SLC35D4: variants seen among roughly 807,000 people sequenced by gnomAD.
SLC35D4 encodes UDP-N-acetylglucosamine transporter SLC35D4.
the SLC35D4 span, among the ~76,000 whole-genome samples, chr18:23,335,391 T>G: frequency 2.0e-5 from 3 of 152,236 alleles, no homozygotes; most frequent in Admixed American, 2.0e-4. Context: ...TGGCAGTCAC[T>G]CTGCTGACAC....
the SLC35D4 span, among the ~76,000 whole-genome samples, chr18:23,408,575 A>G: frequency 1.4e-4 from 21 of 152,190 alleles, no homozygotes; most frequent in Admixed American, 1.2e-3. Flanking sequence ...GGTTTTCAAG[A>G]GCAGGGATAA....
chr18:23,300,921 T>C, the SLC35D4 span, among the ~76,000 whole-genome samples: 3 of 152,362 alleles, frequency 2.0e-5, no homozygotes, highest in South Asian at 6.2e-4. Context: ...ATTTTACATT[T>C]ATTATTGTGG....
the SLC35D4 span, among the ~76,000 whole-genome samples, chr18:23,241,944 C>T: frequency 2.0e-5 from 3 of 152,100 alleles, no homozygotes; most frequent in African/African-American, 7.2e-5. Flanking sequence ...CCCACTGTTA[C>T]CTACTGTAGA....
chr18:23,383,683 G>T, the SLC35D4 span, among the ~76,000 whole-genome samples: 1 of 152,038 alleles, frequency 6.6e-6, no homozygotes, highest in Non-Finnish European at 1.5e-5. Context: ...GGATGGTTTT[G>T]TAAACACACC....
chr18:23,282,863 T>C, the SLC35D4 span, among the ~76,000 whole-genome samples: 3 of 151,978 alleles, frequency 2.0e-5, no homozygotes, highest in African/African-American at 7.2e-5. Context: ...TTAAGGGTCA[T>C]GAGTAGGTGA....
chr18:23,432,809 T>C, the SLC35D4 span, among the ~76,000 whole-genome samples: 1 of 151,434 alleles, frequency 6.6e-6, no homozygotes, highest in Non-Finnish European at 1.5e-5. Context: ...GGTGAGACCC[T>C]ATCTTGACAA....
At chr18:23,415,631 G>A in the SLC35D4 span, among the ~76,000 whole-genome samples, 2 of 152,120 alleles carry the variant, frequency 1.3e-5, no homozygotes, top group Non-Finnish European at 2.9e-5. Context: ...ACCACTTTTT[G>A]CAAATACAGG....
chr18:23,315,184 C>T, the SLC35D4 span, among the ~76,000 whole-genome samples: 4 of 152,178 alleles, frequency 2.6e-5, no homozygotes, highest in African/African-American at 9.6e-5. Flanking sequence ...AGCCCAGTTA[C>T]AGCCATGTAC....
chr18:23,338,572 A>C, the SLC35D4 span, among the ~76,000 whole-genome samples: 21 of 152,192 alleles, frequency 1.4e-4, no homozygotes, highest in Admixed American at 3.9e-4. Flanking sequence ...AGCTGGGTTC[A>C]AATTAAGTCT....
the SLC35D4 span, chr18:23,385,034 C>T: frequency 3.1e-6 from 5 of 1,613,628 alleles, no homozygotes; most frequent in Non-Finnish European, 4.2e-6. Context: ...ATAACTTCAG[C>T]TACATTATGC....
chr18:23,370,410 C>A, the SLC35D4 span: 1 of 669,996 alleles, frequency 1.5e-6, no homozygotes, highest in Non-Finnish European at 2.6e-6. Context: ...ACCCAGCTGA[C>A]AGGAGAAGAC....
At chr18:23,264,353 CTTTTTTTTTT>C in the SLC35D4 span, among the ~76,000 whole-genome samples, 2 of 56,098 alleles carry the variant, frequency 3.6e-5, no homozygotes, top group East Asian at 6.7e-4. Context: ...CACTTTATTC[CTTTTTTTTTT>C]TTTTTTTTTT....
chr18:23,379,271 G>A, the SLC35D4 span, among the ~76,000 whole-genome samples: 2 of 151,968 alleles, frequency 1.3e-5, no homozygotes, highest in Non-Finnish European at 1.5e-5. Context: ...TTACAGGTGT[G>A]TGCCACCATG....
chr18:23,428,015 G>A, the SLC35D4 span, among the ~76,000 whole-genome samples: 5 of 152,066 alleles, frequency 3.3e-5, no homozygotes, highest in Admixed American at 6.6e-5. Flanking sequence ...ACAGGGGCCT[G>A]CCATGGGTTG....
chr18:23,359,213 C>T, the SLC35D4 span, among the ~76,000 whole-genome samples: 1 of 151,934 alleles, frequency 6.6e-6, no homozygotes, highest in Non-Finnish European at 1.5e-5. Context: ...GGTGAAACCC[C>T]ATCTCTACTA....
chr18:23,434,167 G>C, the SLC35D4 span, among the ~76,000 whole-genome samples: 18 of 152,084 alleles, frequency 1.2e-4, no homozygotes, highest in African/African-American at 4.1e-4. Context: ...TTCCTCACCA[G>C]AGTCCCATAA....
the SLC35D4 span, among the ~76,000 whole-genome samples, chr18:23,327,822 C>T: frequency 4.6e-5 from 7 of 152,096 alleles, no homozygotes; most frequent in Non-Finnish European, 7.4e-5. Flanking sequence ...ACTGGCAAAC[C>T]GAATCCAGCA....
the SLC35D4 span, among the ~76,000 whole-genome samples, chr18:23,313,478 A>C: frequency 6.6e-6 from 1 of 152,176 alleles, no homozygotes; most frequent in African/African-American, 2.4e-5. Context: ...GACAAGAAGC[A>C]AAACTTTAAT....
At chr18:23,391,231 AAAAAGAAAG>A in the SLC35D4 span, among the ~76,000 whole-genome samples, 46 of 152,056 alleles carry the variant, frequency 3.0e-4, no homozygotes, top group African/African-American at 5.3e-4. Context: ...AGAAAAAAAA[AAAAAGAAAG>A]AAAAGAAAGA....
Sources: gnomAD v4.1 joint callset for allele counts (sites outside exome capture counted in the v4.1 genomes callset) on GRCh38, gnomAD v4.1.1 for gene constraint, MANE v1.5 for transcripts, NCBI Gene and HGNC (gene_info 2026-07-23, HGNC 2026-07-21) for gene names.